Variants in EIF4E observed in about 807,000 individuals in gnomAD.
EIF4E encodes the protein eIF-4F 25 kDa subunit.
For missense variants in EIF4E, 113 were observed against 265.6 expected (o/e 0.43, Z 3.99); for synonymous variants, 71 against 88.5 (o/e 0.80, Z 1.11).
chr4:98,922,924 C>T (rs1725713261), intron 1 of EIF4E, among the ~76,000 whole-genome samples: 3 of 151,114 alleles, frequency 2.0e-5, no homozygotes, highest in Non-Finnish European at 4.4e-5. Flanking sequence ...ATAGGCTCAC[C>T]GCAACCTCCA....
At chr4:98,924,085 T>G (rs1304021281) in intron 1 of EIF4E, among the ~76,000 whole-genome samples, 2 of 151,814 alleles carry the variant, frequency 1.3e-5, no homozygotes, top group African/African-American at 4.8e-5. Flanking sequence ...TTGTTTATTT[T>G]TTTTTTTTTT....
intron 2 of EIF4E, chr4:98,895,169 T>C (rs1168900319): frequency 6.6e-6 from 1 of 152,162 alleles, no homozygotes; most frequent in Non-Finnish European, 1.5e-5. Context: ...GTTTGAAATA[T>C]CGTGAGAATT....
intron 1 of EIF4E, among the ~76,000 whole-genome samples, chr4:98,910,282 T>C (rs1349093208): frequency 6.6e-6 from 1 of 152,008 alleles, no homozygotes; most frequent in Non-Finnish European, 1.5e-5. Flanking sequence ...AAAATACAAA[T>C]CTTTCAACAT....
At chr4:98,910,832 C>G (rs148455857) in intron 1 of EIF4E, among the ~76,000 whole-genome samples, 1,742 of 151,630 alleles carry the variant, frequency 0.011, 10 homozygotes, top group Non-Finnish European at 0.02. Flanking sequence ...TGGGTTCAAG[C>G]AGTTCTCTTG....
At chr4:98,914,668 T>C (rs1300150918) in intron 1 of EIF4E, among the ~76,000 whole-genome samples, 1 of 152,094 alleles carries the variant, frequency 6.6e-6, no homozygotes, top group East Asian at 1.9e-4. Context: ...TAGGGCTTAG[T>C]AAAATTATTC....
At chr4:98,891,726 G>A (rs1353778982) in intron 2 of EIF4E, among the ~76,000 whole-genome samples, 5 of 152,152 alleles carry the variant, frequency 3.3e-5, no homozygotes, top group Non-Finnish European at 5.9e-5. Context: ...GAGATTAGTT[G>A]CACAATAATT....
At chr4:98,923,163 G>C (rs750701640) in intron 1 of EIF4E, among the ~76,000 whole-genome samples, 16 of 147,846 alleles carry the variant, frequency 1.1e-4, no homozygotes, top group Non-Finnish European at 2.1e-4. Flanking sequence ...TTTTCCTACT[G>C]TTTCTATGGA....
chr4:98,922,634 T>G (rs1176179153), intron 1 of EIF4E, among the ~76,000 whole-genome samples: 3 of 152,036 alleles, frequency 2.0e-5, no homozygotes, highest in African/African-American at 7.2e-5. Context: ...AAGTGCTATG[T>G]GTAGCAATTA....
chr4:98,911,069 A>G (rs1725104300), intron 1 of EIF4E, among the ~76,000 whole-genome samples: 1 of 147,226 alleles, frequency 6.8e-6, no homozygotes, highest in South Asian at 2.2e-4. Flanking sequence ...TTTCCCTTTG[A>G]GACAGAGTCT....
intron 1 of EIF4E, among the ~76,000 whole-genome samples, chr4:98,911,661 CAAAAAAAAAAAAAAA>C (rs767631331): frequency 3.3e-5 from 2 of 60,046 alleles, no homozygotes; most frequent in South Asian, 7.8e-4. Flanking sequence ...AACTCTGTCT[CAAAAAAAAAAAAAAA>C]AAAAAAAAAA....
At chr4:98,892,189 A>G (rs1165145722) in intron 2 of EIF4E, among the ~76,000 whole-genome samples, 1 of 151,462 alleles carries the variant, frequency 6.6e-6, no homozygotes, top group Non-Finnish European at 1.5e-5. Context: ...TCTAGGAAAA[A>G]TACAAAACTA....
rs976412401 is a variant in EIF4E at position 98,910,328 on chromosome 4, T to A, written c.19-8346A>T. On this transcript the variant is annotated intron_variant, in intron 1 of 6. Transcript: ENST00000450253. ...CTCACATGGAAAAAATTTTTTCATG[T>A]AAAAGTCCCTGAGACATCATATATC... Among the ~76,000 whole-genome samples, 3 of 152,312 alleles carry A rather than the reference T, an allele frequency of 2.0e-5. No homozygotes were observed. The East Asian group carries it at 5.8e-4, about 29-fold the overall frequency.
At chr4:98,912,736 C>G (rs890546470) in intron 1 of EIF4E, among the ~76,000 whole-genome samples, 1 of 152,090 alleles carries the variant, frequency 6.6e-6, no homozygotes, top group Admixed American at 6.5e-5. Context: ...TTCCTTAAAG[C>G]TTTATAAGAA....
chr4:98,893,543 T>C (rs968505344), intron 2 of EIF4E, among the ~76,000 whole-genome samples: 1 of 152,224 alleles, frequency 6.6e-6, no homozygotes. Flanking sequence ...ATAGATTCCA[T>C]CTCAAGAAAC....
intron 1 of EIF4E, among the ~76,000 whole-genome samples, chr4:98,909,147 CA>C (rs1360980573): frequency 6.6e-6 from 1 of 151,928 alleles, no homozygotes; most frequent in Non-Finnish European, 1.5e-5. Context: ...CCCAGACACA[CA>C]AAAAAACCCA....
At chr4:98,904,629 G>A (rs924884198) in intron 1 of EIF4E, among the ~76,000 whole-genome samples, 1 of 152,040 alleles carries the variant, frequency 6.6e-6, no homozygotes, top group Admixed American at 6.6e-5. Flanking sequence ...AAATTAGCTG[G>A]GCGTGGTAGC....
rs59729154 is a variant in EIF4E at position 98,896,486 on chromosome 4, C to CAAAAAA, written c.126-5160_126-5155dup. Reference sequence around the variant, plus strand: ...CAACATAGCAAGACCCCGCATCTCTCAAAAAAAAAAAAAAAAAAAAAAAAC... The same window carrying CAAAAAA: ...CAACATAGCAAGACCCCGCATCTCTCAAAAAAAAAAAAAAAAAAAAAAAAAAAAAAC... On this transcript the variant is annotated intron_variant, in intron 2 of 6. Transcript: ENST00000450253. Among the ~76,000 whole-genome samples, 388 of 38,998 alleles carry CAAAAAA rather than the reference C, an allele frequency of 9.9e-3. 40 individuals carry two copies. The highest frequency in any genetic ancestry group is 0.041 in the African/African-American group (335 of 8,206). The allele number at this position is 38,998 out of a possible 152,430, so 25.6% of individuals were successfully genotyped here. A position where few individuals can be genotyped will look rare whatever the true frequency, so the allele number is the denominator to read the frequency against.
chr4:98,902,034 A>C (rs1343422273), intron 1 of EIF4E, 52 bp from the exon 2 acceptor site: 1 of 1,516,084 alleles, frequency 6.6e-7, no homozygotes, highest in South Asian at 1.1e-5. Flanking sequence ...CACATCTATG[A>C]CAGCAATATT....
At chr4:98,917,459 T>C (rs1357174629) in intron 1 of EIF4E, among the ~76,000 whole-genome samples, 1 of 152,110 alleles carries the variant, frequency 6.6e-6, no homozygotes, top group Non-Finnish European at 1.5e-5. Context: ...GTAGAAATTC[T>C]AGGAAGCTGA....
Sources: allele counts gnomAD v4.1 joint callset (sites outside exome capture counted in the v4.1 genomes callset), GRCh38; gene constraint gnomAD v4.1.1; transcripts MANE v1.5; gene names NCBI Gene and HGNC (gene_info 2026-07-23, HGNC 2026-07-21).